The following OCA2 variants were observed in gnomAD, a reference collection of about 807,000 sequenced individuals.
The protein encoded by OCA2 is P protein.
Under a neutral mutation model 100.2 loss-of-function variants are expected in OCA2, and 77 were observed. The ratio of observed to expected loss-of-function variants is 0.77; its 90% CI spans 0.64 to 0.93. OCA2 has a LOEUF of 0.93. OCA2 is among the 40% of genes least tolerant of loss of function. The pLI is 0.00. For missense variants in OCA2, 1,062 were observed against 1,089.1 expected (o/e 0.98, Z 0.35); for synonymous variants, 432 against 439.2 (o/e 0.98, Z 0.21).
intron 9 of OCA2, among the ~76,000 whole-genome samples, chr15:28,000,187 C>A (rs138815278): frequency 6.6e-6 from 1 of 152,218 alleles, no homozygotes; most frequent in South Asian, 2.1e-4. Context: ...AAGCTGGAGG[C>A]GTGACACTTC....
intron 23 of OCA2, among the ~76,000 whole-genome samples, chr15:27,782,365 G>A (rs1423761911): frequency 6.6e-6 from 1 of 152,202 alleles, no homozygotes; most frequent in Non-Finnish European, 1.5e-5. Context: ...CAAATGTGGA[G>A]TGTCTCCCAA....
At chr15:27,859,196 G>A (rs1165135710) in intron 21 of OCA2, among the ~76,000 whole-genome samples, 1 of 151,878 alleles carries the variant, frequency 6.6e-6, no homozygotes, top group African/African-American at 2.4e-5. Flanking sequence ...TAAATAAGAT[G>A]AAGAATAGAA....
chr15:28,057,962 G>C (rs2043755884), intron 2 of OCA2, among the ~76,000 whole-genome samples: 1 of 152,204 alleles, frequency 6.6e-6, no homozygotes, highest in African/African-American at 2.4e-5. Context: ...CACACCGGGA[G>C]GCAGCCTGCC....
intron 23 of OCA2, among the ~76,000 whole-genome samples, chr15:27,784,637 G>C (rs1182186472): frequency 1.3e-5 from 2 of 152,150 alleles, no homozygotes; most frequent in Admixed American, 6.5e-5. Context: ...TTTGAGCAGA[G>C]AGATGGGAAG....
At chr15:28,039,526 A>T (rs1458792878) in intron 2 of OCA2, among the ~76,000 whole-genome samples, 1 of 152,240 alleles carries the variant, frequency 6.6e-6, no homozygotes, top group African/African-American at 2.4e-5. Flanking sequence ...TGGAAATTAA[A>T]CAACATACTC....
intron 23 of OCA2, among the ~76,000 whole-genome samples, chr15:27,782,188 A>G (rs2032578513): frequency 6.6e-6 from 1 of 152,262 alleles, no homozygotes; most frequent in Non-Finnish European, 1.5e-5. Flanking sequence ...TATATTTACA[A>G]TAAAGCTACA....
At chr15:27,893,105 A>G (rs149035030) in intron 19 of OCA2, among the ~76,000 whole-genome samples, 2,371 of 152,328 alleles carry the variant, frequency 0.016, 56 homozygotes, top group African/African-American at 0.05. Context: ...TCCTGGTTTT[A>G]TTGCAGGAAG....
intron 2 of OCA2, among the ~76,000 whole-genome samples, chr15:28,069,444 G>A (rs1409603906): frequency 2.4e-5 from 2 of 81,888 alleles, no homozygotes; most frequent in Admixed American, 1.5e-4. Flanking sequence ...CCCTCTCCCC[G>A]GTCTCCCTCT....
chr15:27,722,721 TTTC>T, the OCA2 span, among the ~76,000 whole-genome samples: 1 of 97,086 alleles, frequency 1.0e-5, no homozygotes, highest in Non-Finnish European at 2.5e-5. Context: ...TCTTTCTCTC[TTTC>T]TTCTTTCTTT....
chr15:27,913,897 AAGCAAGCAAGCAAGC>A (rs2038546035), intron 19 of OCA2, among the ~76,000 whole-genome samples: 872 of 35,562 alleles, frequency 0.025, 50 homozygotes, highest in South Asian at 0.053. Flanking sequence ...GAAAGAAAGC[AAGCAAGCAAGCAAGC>A]AAGCAAGCAA....
chr15:28,018,310 C>T, intron 7 of OCA2, 87 bp downstream of exon 7: 1 of 1,307,356 alleles, frequency 7.6e-7, no homozygotes, highest in South Asian at 1.2e-5. Flanking sequence ...CTGTGGCTCC[C>T]CATCAAATCC....
intron 2 of OCA2, among the ~76,000 whole-genome samples, chr15:28,050,593 C>T (rs901521190): frequency 6.6e-6 from 1 of 151,360 alleles, no homozygotes. Context: ...AAGACCAGTG[C>T]CCTCCAGTGG....
chr15:28,002,246 G>T (rs1022617407), intron 9 of OCA2, among the ~76,000 whole-genome samples: 2 of 152,194 alleles, frequency 1.3e-5, no homozygotes, highest in African/African-American at 4.8e-5. Flanking sequence ...AACCAACTTG[G>T]ATCTTTGGAA....
chr15:27,867,362 A>G (rs2036365707), intron 21 of OCA2, among the ~76,000 whole-genome samples: 1 of 152,262 alleles, frequency 6.6e-6, no homozygotes, highest in Non-Finnish European at 1.5e-5. Flanking sequence ...GATGGTACTT[A>G]GTTCAAGTCG....
intron 17 of OCA2, among the ~76,000 whole-genome samples, chr15:27,952,502 C>T (rs983729361): frequency 6.6e-6 from 1 of 152,200 alleles, no homozygotes; most frequent in Non-Finnish European, 1.5e-5. Context: ...CTGTGCTCCA[C>T]AGGCCATGGC....
Position 28,011,262 on chromosome 15 carries a change from C to G in OCA2, c.1044+3514G>C, listed in dbSNP as rs927113046. Reference sequence around the variant, plus strand: ...GGAGAATCTCTTGAGGCCAGGAATTCAAGACCATCCTGGGCAACATAGCAA... The same window carrying G: ...GGAGAATCTCTTGAGGCCAGGAATTGAAGACCATCCTGGGCAACATAGCAA... On this transcript the variant is annotated intron_variant, in intron 9 of 23. Coordinates refer to ENST00000354638, the MANE Select transcript of OCA2 (RefSeq NM_000275.3). Among the ~76,000 whole-genome samples, 3 of 152,128 alleles carry G rather than the reference C, an allele frequency of 2.0e-5. No individual in the cohort carries two copies. The East Asian group carries it at 5.8e-4, about 29-fold the overall frequency.
At chr15:28,004,360 T>C (rs772412174) in intron 9 of OCA2, among the ~76,000 whole-genome samples, 8 of 152,152 alleles carry the variant, frequency 5.3e-5, no homozygotes, top group Non-Finnish European at 1.2e-4. Context: ...GAGCACGCGC[T>C]CTGGAAACCA....
At chr15:27,918,565 T>C (rs2038751282) in intron 19 of OCA2, among the ~76,000 whole-genome samples, 1 of 152,214 alleles carries the variant, frequency 6.6e-6, no homozygotes, top group African/African-American at 2.4e-5. Flanking sequence ...AGCAACTTTG[T>C]TGGGTTGGTT....
intron 2 of OCA2, among the ~76,000 whole-genome samples, chr15:28,070,425 G>C (rs1239009258): frequency 4.8e-5 from 6 of 123,846 alleles, no homozygotes; most frequent in Non-Finnish European, 9.5e-5. Flanking sequence ...CAGCCACCCC[G>C]TCCGGGAGGG....
Sources: allele counts gnomAD v4.1 joint callset (sites outside exome capture counted in the v4.1 genomes callset), GRCh38; gene constraint gnomAD v4.1.1; transcripts MANE v1.5; gene names NCBI Gene and HGNC (gene_info 2026-07-23, HGNC 2026-07-21).